Variants in PRKN observed in about 807,000 individuals in gnomAD.
The protein encoded by PRKN is E3 ubiquitin-protein ligase parkin.
Under a neutral mutation model 59.5 loss-of-function variants are expected in PRKN, and 56 were observed. The observed-to-expected ratio is 0.94, with a 90% CI of 0.76 to 1.18. The LOEUF (loss-of-function observed/expected upper bound fraction) is 1.18, where lower values mean the gene tolerates loss of function less well. PRKN is among the 50% of genes most tolerant of loss of function. The pLI, the probability that PRKN is intolerant of heterozygous loss-of-function variation, is 0.00. For synonymous variants in PRKN, 250 were observed against 222.1 expected (o/e 1.13, Z -1.12); for missense variants, 657 against 596.4 (o/e 1.10, Z -1.06).
chr6:162,386,750 C>T (rs1053610822), intron 2 of PRKN, among the ~76,000 whole-genome samples: 1 of 152,182 alleles, frequency 6.6e-6, no homozygotes, highest in Non-Finnish European at 1.5e-5. Flanking sequence ...CAGATGAACA[C>T]AGATGGAGAA....
At chr6:161,850,213 C>T (rs940789263) in intron 6 of PRKN, among the ~76,000 whole-genome samples, 3 of 151,984 alleles carry the variant, frequency 2.0e-5, no homozygotes, top group African/African-American at 7.3e-5. Flanking sequence ...AGAAAAATAA[C>T]AATTTTGAGA....
rs537030286 is a variant in PRKN at position 162,201,226 on chromosome 6, A to G, written c.439T>C (p.Tyr147His). Reference sequence around the variant, plus strand: ...TGACAGGGGCCTTTGCAATACACATAAAAGCTGTTGTAGATTGATCTACCT... The same window carrying G: ...TGACAGGGGCCTTTGCAATACACATGAAAGCTGTTGTAGATTGATCTACCT... Reference protein sequence around the residue: ...PAGRSIYNSFYVYCKGPCQRV... With the variant: ...PAGRSIYNSFHVYCKGPCQRV... Residue 147 changes from tyrosine to histidine, a missense_variant, in exon 4 of 12, where the codon TAT becomes CAT. Tyr to His is a moderately conservative substitution (Grantham distance 83, BLOSUM62 2). Coordinates refer to ENST00000366898, the MANE Select transcript of PRKN (RefSeq NM_004562.3). 38 of 1,613,916 alleles carry G rather than the reference A, an allele frequency of 2.4e-5. No individual in the cohort carries two copies. The African/African-American group carries it at 5.1e-4, about 22-fold the overall frequency.
chr6:161,568,803 AT>A (rs1780751853), intron 8 of PRKN, among the ~76,000 whole-genome samples: 1 of 152,092 alleles, frequency 6.6e-6, no homozygotes, highest in Non-Finnish European at 1.5e-5. Context: ...ACCCTGAATT[AT>A]TTACTTAGCA....
At chr6:161,770,202 G>C (rs1030295120) in intron 7 of PRKN, among the ~76,000 whole-genome samples, 1 of 152,138 alleles carries the variant, frequency 6.6e-6, no homozygotes, top group Non-Finnish European at 1.5e-5. Flanking sequence ...GCATGGGGAA[G>C]GGCTTTTGGG....
Position 161,407,147 on chromosome 6 carries a change from A to G in PRKN, c.1084-20270T>C, listed in dbSNP as rs1787312730. On this transcript the variant is annotated intron_variant, in intron 9 of 11. Coordinates refer to ENST00000366898, the MANE Select transcript of PRKN (RefSeq NM_004562.3). The surrounding 1 kb of genome is among the most constrained non-coding windows in gnomAD (Gnocchi z 4.9). ...AAAATGTCTTTATATTTTTATAAAT[A>G]TGGTTTCACAATTTTTTACAGAGTC... Among the ~76,000 whole-genome samples, 1 of 152,210 alleles carries G rather than the reference A, an allele frequency of 6.6e-6. No individual in the cohort carries two copies. Among genetic ancestry groups the G allele is most frequent in the Admixed American group, 6.5e-5 (1 of 15,274 alleles).
At chr6:161,915,813 G>A (rs531565351) in intron 6 of PRKN, among the ~76,000 whole-genome samples, 3 of 152,218 alleles carry the variant, frequency 2.0e-5, no homozygotes, top group Admixed American at 1.3e-4. Flanking sequence ...ATAGCATTGC[G>A]GTTCAGAAAC....
intron 1 of PRKN, among the ~76,000 whole-genome samples, chr6:162,489,584 G>A (rs1266887470): frequency 6.6e-6 from 1 of 152,194 alleles, no homozygotes; most frequent in African/African-American, 2.4e-5. Context: ...TTGCCCGACA[G>A]CATGAGCTAC....
intron 3 of PRKN, among the ~76,000 whole-genome samples, chr6:162,235,887 A>G (rs1258171897): frequency 2.0e-5 from 3 of 148,154 alleles, no homozygotes; most frequent in Admixed American, 6.9e-5. Flanking sequence ...AAGAGAGAGA[A>G]AGAAAGAAAG....
intron 2 of PRKN, among the ~76,000 whole-genome samples, chr6:162,316,963 T>TAA (rs906982208): frequency 6.6e-6 from 1 of 151,644 alleles, no homozygotes; most frequent in African/African-American, 2.4e-5. Flanking sequence ...TTCATTGCAG[T>TAA]AAAAAAAAGA....
chr6:162,478,866 A>G (rs1792158159), intron 1 of PRKN, among the ~76,000 whole-genome samples: 1 of 152,182 alleles, frequency 6.6e-6, no homozygotes, highest in Non-Finnish European at 1.5e-5. Flanking sequence ...AAGGTAAAAA[A>G]TGGGACACTC....
chr6:162,419,873 C>G (rs1788863227), intron 2 of PRKN, among the ~76,000 whole-genome samples: 1 of 151,930 alleles, frequency 6.6e-6, no homozygotes, highest in Non-Finnish European at 1.5e-5. Flanking sequence ...TTTTGCACAA[C>G]ATGAAATGAT....
Position 162,400,190 on chromosome 6 carries a change from G to C in PRKN, c.171+43120C>G, listed in dbSNP as rs539492780. On this transcript the variant is annotated intron_variant, in intron 2 of 11. Transcript: ENST00000366898. ...CCACTGCACTCCAGCCTGGGTGACAGAGCAAGACTCTGTCTCAAGAAAAAA... is the reference window on the plus strand; with the variant it reads ...CCACTGCACTCCAGCCTGGGTGACACAGCAAGACTCTGTCTCAAGAAAAAA... 4.0e-5 allele frequency among the ~76,000 whole-genome samples: 6 copies of C among 151,306 alleles called. No individual in the cohort carries two copies. In the East Asian group the frequency reaches 1.2e-3, roughly 29 times the overall value.
intron 1 of PRKN, among the ~76,000 whole-genome samples, chr6:162,556,463 C>T (rs936252026): frequency 6.7e-6 from 1 of 149,176 alleles, no homozygotes; most frequent in Non-Finnish European, 1.5e-5. Flanking sequence ...GAAACTGTAG[C>T]TAATGCCGGG....
chr6:161,746,539 G>A lies in PRKN; in HGVS notation c.871+39233C>T, dbSNP rs148692693. 4.8e-3 allele frequency among the ~76,000 whole-genome samples: 696 copies of A among 145,846 alleles called. 3 individuals are homozygous for A. Among genetic ancestry groups the A allele is most frequent in the Non-Finnish European group, 6.6e-3 (444 of 66,856 alleles). ...AAAAAAGCTGTAATAGTTGGGTAAG[G>A]TACATTTATCTATTTTTTTATATAT... On this transcript the variant is annotated intron_variant, in intron 7 of 11. Coordinates refer to ENST00000366898, the MANE Select transcript of PRKN (RefSeq NM_004562.3).
In PRKN at chr6:161,584,856, C is replaced by T. The variant is rs1220175610; in HGVS notation, c.872-15440G>A. Reference sequence around the variant, plus strand: ...TTTCAGCATGTCAAAATTATACTATCACACCATGGAAACAAATTAAACAGC... The same window carrying T: ...TTTCAGCATGTCAAAATTATACTATTACACCATGGAAACAAATTAAACAGC... On this transcript the variant is annotated intron_variant, in intron 7 of 11. Transcript: ENST00000366898. This position sits in a 1 kb window ranked among gnomAD's most constrained non-coding sequence, Gnocchi z 4.8. 1.3e-5 allele frequency among the ~76,000 whole-genome samples: 2 copies of T among 152,168 alleles called. No homozygotes were observed. Among genetic ancestry groups the T allele is most frequent in the African/African-American group, 2.4e-5 (1 of 41,426 alleles).
At chr6:161,590,911 A>T (rs1781697834) in intron 7 of PRKN, among the ~76,000 whole-genome samples, 1 of 152,184 alleles carries the variant, frequency 6.6e-6, no homozygotes, top group South Asian at 2.1e-4. Flanking sequence ...TGGCAACTGG[A>T]TGCAACATGT....
rs544058221 is a variant in PRKN at position 162,542,282 on chromosome 6, T to C, written c.8-98809A>G. The stretch of plus-strand genomic sequence containing the variant: ...CATCAGGTGCATTCTCTCTACATTA[T>C]TTTATTTAATCCTAAAATAGCCCTG... On this transcript the variant is annotated intron_variant, in intron 1 of 11. Transcript: ENST00000366898. Among the ~76,000 whole-genome samples, 4 of 152,278 alleles carry C rather than the reference T, an allele frequency of 2.6e-5. No individual in the cohort carries two copies. In the South Asian group the frequency reaches 8.3e-4, roughly 32 times the overall value.
intron 1 of PRKN, among the ~76,000 whole-genome samples, chr6:162,470,055 C>T (rs924890022): frequency 2.0e-5 from 3 of 152,000 alleles, no homozygotes; most frequent in African/African-American, 7.3e-5. Flanking sequence ...CATAAAAAGG[C>T]CTGACTATCA....
chr6:161,750,869 T>C (rs1788663234), intron 7 of PRKN, among the ~76,000 whole-genome samples: 1 of 151,816 alleles, frequency 6.6e-6, no homozygotes, highest in Non-Finnish European at 1.5e-5. Flanking sequence ...CAGATAAGGC[T>C]CTAGGTACAA....
Sources: gnomAD v4.1 joint callset for allele counts (sites outside exome capture counted in the v4.1 genomes callset) on GRCh38, gnomAD v4.1.1 for gene constraint, Gnocchi (gnomAD v3.1) non-coding constraint, MANE v1.5 for transcripts, NCBI Gene and HGNC (gene_info 2026-07-23, HGNC 2026-07-21) for gene names.